The following SPDYE12 variants were observed in gnomAD, a reference collection of about 807,000 sequenced individuals.
SPDYE12 encodes speedy/RINGO cell cycle regulator family member E12.
the SPDYE12 span, chr7:74,907,009 A>G: frequency 2.5e-6 from 4 of 1,591,476 alleles, no homozygotes; most frequent in Admixed American, 1.7e-5. Context: ...GAGCAAGGGT[A>G]TATGAGAGCG....
chr7:74,915,075 T>C, the SPDYE12 span, among the ~76,000 whole-genome samples: 2 of 152,032 alleles, frequency 1.3e-5, no homozygotes, highest in Non-Finnish European at 2.9e-5. Context: ...GAAGTCCCAT[T>C]GTTAGGAAGC....
At chr7:74,909,033 GTTTTTTTTTTTTTTTTTGGCTTT>G in the SPDYE12 span, among the ~76,000 whole-genome samples, 2 of 32,002 alleles carry the variant, frequency 6.2e-5, no homozygotes, top group African/African-American at 1.2e-4. Context: ...TTTTTGCCTG[GTTTTTTTTTTTTTTTTTGGCTTT>G]TTTTTTTTTT....
the SPDYE12 span, among the ~76,000 whole-genome samples, chr7:74,908,875 G>T: frequency 6.7e-6 from 1 of 148,752 alleles, no homozygotes; most frequent in Non-Finnish European, 1.5e-5. Context: ...TGGAGACAGG[G>T]TTTCACCATG....
the SPDYE12 span, among the ~76,000 whole-genome samples, chr7:74,904,795 T>C: frequency 6.7e-6 from 1 of 148,770 alleles, no homozygotes; most frequent in Admixed American, 6.7e-5. Flanking sequence ...AATAATAATA[T>C]TTAAATAAAT....
the SPDYE12 span, chr7:74,910,723 C>G: frequency 7.3e-7 from 1 of 1,377,482 alleles, no homozygotes; most frequent in Non-Finnish European, 1.0e-6. Context: ...CAAAAAAAAA[C>G]TGTAGGAGCA....
chr7:74,909,698 C>G, the SPDYE12 span: 3 of 1,567,538 alleles, frequency 1.9e-6, no homozygotes, highest in Middle Eastern at 2.3e-4. Context: ...TGGGGAGGGG[C>G]TGCCCATCAG....
At chr7:74,908,933 G>T in the SPDYE12 span, among the ~76,000 whole-genome samples, 1 of 148,894 alleles carries the variant, frequency 6.7e-6, no homozygotes, top group South Asian at 2.1e-4. Context: ...CGCCCACCTC[G>T]GCCTCCCAAA....
the SPDYE12 span, among the ~76,000 whole-genome samples, chr7:74,906,144 T>C: frequency 0.52 from 39,948 of 77,236 alleles, 12,473 homozygotes; most frequent in East Asian, 0.84. Context: ...CTGTTTCTAA[T>C]GTGACAACAT....
chr7:74,910,071 A>T, the SPDYE12 span, among the ~76,000 whole-genome samples: 1 of 149,318 alleles, frequency 6.7e-6, no homozygotes, highest in Non-Finnish European at 1.5e-5. Context: ...CTGACAAATC[A>T]TAAAAAGACA....
the SPDYE12 span, among the ~76,000 whole-genome samples, chr7:74,909,197 G>A: frequency 2.7e-5 from 4 of 150,700 alleles, no homozygotes; most frequent in Admixed American, 6.7e-5. Context: ...TGGATTACAG[G>A]TGCACACCAA....
At chr7:74,910,460 C>T in the SPDYE12 span, among the ~76,000 whole-genome samples, 4 of 148,416 alleles carry the variant, frequency 2.7e-5, no homozygotes, top group Admixed American at 1.4e-4. Context: ...GAGGCCAAGG[C>T]GGGTGGATCA....
chr7:74,909,031 TG>T, the SPDYE12 span, among the ~76,000 whole-genome samples: 54,720 of 98,956 alleles, frequency 0.55, 16,089 homozygotes, highest in East Asian at 0.91. Flanking sequence ...TTTTTTTGCC[TG>T]GTTTTTTTTT....
At chr7:74,908,634 G>C in the SPDYE12 span, among the ~76,000 whole-genome samples, 1 of 144,392 alleles carries the variant, frequency 6.9e-6, no homozygotes, top group African/African-American at 2.5e-5. Context: ...CCTTAGGAGC[G>C]GTTCATGGTT....
the SPDYE12 span, among the ~76,000 whole-genome samples, chr7:74,914,899 G>A: frequency 7.0e-6 from 1 of 143,814 alleles, no homozygotes; most frequent in African/African-American, 2.5e-5. Flanking sequence ...CTCCAGCCTG[G>A]GCAACAAGAG....
the SPDYE12 span, among the ~76,000 whole-genome samples, chr7:74,908,661 C>CTTTTTTTTTTTTTTTTTTTTTTTTT: frequency 1.7e-5 from 1 of 58,598 alleles, no homozygotes; most frequent in Non-Finnish European, 2.9e-5. Flanking sequence ...GTTTTTTGTT[C>CTTTTTTTTTTTTTTTTTTTTTTTTT]TTTTTTTTTT....
At chr7:74,907,448 T>G in the SPDYE12 span, among the ~76,000 whole-genome samples, 2 of 151,328 alleles carry the variant, frequency 1.3e-5, no homozygotes, top group South Asian at 4.2e-4. Flanking sequence ...ATATAAAAAA[T>G]ACACCAGACG....
At chr7:74,910,738 G>A in the SPDYE12 span, 7 of 1,429,792 alleles carry the variant, frequency 4.9e-6, no homozygotes, top group South Asian at 5.7e-5. Context: ...GGAGCATCTG[G>A]TGGGAGGTGG....
At chr7:74,907,457 C>T in the SPDYE12 span, among the ~76,000 whole-genome samples, 4 of 151,462 alleles carry the variant, frequency 2.6e-5, no homozygotes, top group Admixed American at 6.6e-5. Context: ...ATACACCAGA[C>T]GCGGTGGCTC....
At chr7:74,910,567 GTAATCCCAGC>G in the SPDYE12 span, among the ~76,000 whole-genome samples, 102 of 150,142 alleles carry the variant, frequency 6.8e-4, 3 homozygotes, top group Middle Eastern at 6.9e-3. Flanking sequence ...GTTCATGTTT[GTAATCCCAGC>G]TGCTTGGAGG....
Sources: gnomAD v4.1 joint callset for allele counts (sites outside exome capture counted in the v4.1 genomes callset) on GRCh38, gnomAD v4.1.1 for gene constraint, MANE v1.5 for transcripts, NCBI Gene and HGNC (gene_info 2026-07-23, HGNC 2026-07-21) for gene names.